Variants in AFG2A observed in about 807,000 individuals in gnomAD.
The protein encoded by AFG2A is AAA ATPase AFG2A.
chr4:123,179,643 C>T, the AFG2A span, among the ~76,000 whole-genome samples: 2 of 152,286 alleles, frequency 1.3e-5, no homozygotes, highest in East Asian at 1.9e-4. Flanking sequence ...GGATTACAGG[C>T]GTGAGCCACT....
At chr4:123,221,391 A>G in the AFG2A span, among the ~76,000 whole-genome samples, 1 of 152,024 alleles carries the variant, frequency 6.6e-6, no homozygotes. Flanking sequence ...TCAAACTCGT[A>G]GGCTCAAGCA....
At chr4:123,026,100 T>C in the AFG2A span, among the ~76,000 whole-genome samples, 3 of 32,956 alleles carry the variant, frequency 9.1e-5, no homozygotes, top group East Asian at 4.1e-3. Flanking sequence ...ACCTCGTGTA[T>C]GTGTATGTGT....
the AFG2A span, among the ~76,000 whole-genome samples, chr4:123,111,686 C>G: frequency 6.6e-6 from 1 of 152,028 alleles, no homozygotes; most frequent in African/African-American, 2.4e-5. Context: ...TAATATTATA[C>G]AAGTATTAGT....
chr4:122,962,330 A>G, the AFG2A span, among the ~76,000 whole-genome samples: 10 of 152,212 alleles, frequency 6.6e-5, no homozygotes, highest in African/African-American at 2.4e-4. Flanking sequence ...ATTTTGCAGC[A>G]TATTTCATAA....
chr4:123,255,580 T>G, the AFG2A span, among the ~76,000 whole-genome samples: 1 of 151,740 alleles, frequency 6.6e-6, no homozygotes, highest in Non-Finnish European at 1.5e-5. Context: ...TAGTAGTTAT[T>G]TAAGGAAGTT....
chr4:123,136,242 G>T, the AFG2A span, among the ~76,000 whole-genome samples: 1 of 152,164 alleles, frequency 6.6e-6, no homozygotes, highest in Non-Finnish European at 1.5e-5. Context: ...TTTAAAGAAG[G>T]TAGTCTGTTG....
chr4:123,179,774 C>G, the AFG2A span, among the ~76,000 whole-genome samples: 1 of 152,140 alleles, frequency 6.6e-6, no homozygotes, highest in African/African-American at 2.4e-5. Flanking sequence ...ATCCCTTTGA[C>G]AATACTATAA....
chr4:123,109,725 A>T, the AFG2A span, among the ~76,000 whole-genome samples: 4 of 152,096 alleles, frequency 2.6e-5, no homozygotes, highest in African/African-American at 9.7e-5. Flanking sequence ...TAGTTTACTT[A>T]TACACAGTAT....
chr4:123,130,939 T>G, the AFG2A span, among the ~76,000 whole-genome samples: 1,941 of 151,120 alleles, frequency 0.013, 42 homozygotes, highest in African/African-American at 0.045. Context: ...GTTTTTTTTT[T>G]CTTTAGTTTT....
the AFG2A span, among the ~76,000 whole-genome samples, chr4:123,171,573 G>A: frequency 6.6e-6 from 1 of 151,996 alleles, no homozygotes; most frequent in South Asian, 2.1e-4. Context: ...AGTGATCTTT[G>A]GGCTATTTCC....
At chr4:122,934,168 T>C in the AFG2A span, 14 of 1,614,042 alleles carry the variant, frequency 8.7e-6, no homozygotes, top group African/African-American at 4.0e-5. Context: ...GCTGCAAGTA[T>C]TGCGAGTGAA....
chr4:123,064,033 T>C, the AFG2A span, among the ~76,000 whole-genome samples: 2 of 152,222 alleles, frequency 1.3e-5, no homozygotes, highest in Non-Finnish European at 1.5e-5. Flanking sequence ...CTTATGAAAG[T>C]ATCTAATTAT....
chr4:123,136,683 A>AT, the AFG2A span, among the ~76,000 whole-genome samples: 1,488 of 151,370 alleles, frequency 9.8e-3, 33 homozygotes, highest in African/African-American at 0.034. Flanking sequence ...TCAAAAAAAA[A>AT]AAATATATAT....
At chr4:123,217,167 G>A in the AFG2A span, among the ~76,000 whole-genome samples, 1 of 152,172 alleles carries the variant, frequency 6.6e-6, no homozygotes, top group Non-Finnish European at 1.5e-5. Context: ...GGGTGTAAAT[G>A]TCAGTCATAT....
the AFG2A span, among the ~76,000 whole-genome samples, chr4:123,203,701 G>C: frequency 6.6e-6 from 1 of 152,216 alleles, no homozygotes; most frequent in Non-Finnish European, 1.5e-5. Flanking sequence ...TAAAGCTGCT[G>C]TGACCATCCA....
chr4:122,936,093 G>A, the AFG2A span: 2 of 1,595,100 alleles, frequency 1.3e-6, no homozygotes, highest in Non-Finnish European at 8.5e-7. Context: ...TATTTTATTT[G>A]TTACAGATTC....
At chr4:123,058,377 C>A in the AFG2A span, among the ~76,000 whole-genome samples, 1 of 152,196 alleles carries the variant, frequency 6.6e-6, no homozygotes, top group South Asian at 2.1e-4. Context: ...GTAATCCCAG[C>A]ACTTTGGCAG....
At chr4:123,161,602 A>G in the AFG2A span, among the ~76,000 whole-genome samples, 1 of 152,188 alleles carries the variant, frequency 6.6e-6, no homozygotes, top group Non-Finnish European at 1.5e-5. Context: ...GTCAGTGGCT[A>G]ATAGAGCTAG....
At chr4:123,289,180 G>C in the AFG2A span, among the ~76,000 whole-genome samples, 1 of 151,836 alleles carries the variant, frequency 6.6e-6, no homozygotes, top group Non-Finnish European at 1.5e-5. Context: ...ACCCTACCCC[G>C]TTCTGAATCT....
Sources: gnomAD v4.1 joint callset for allele counts (sites outside exome capture counted in the v4.1 genomes callset) on GRCh38, gnomAD v4.1.1 for gene constraint, MANE v1.5 for transcripts, NCBI Gene and HGNC (gene_info 2026-07-23, HGNC 2026-07-21) for gene names.